The following MRPL3 variants were observed in gnomAD, a reference collection of about 807,000 sequenced individuals.
The protein encoded by MRPL3 is large ribosomal subunit protein uL3m.
Under a neutral mutation model 44.3 loss-of-function variants are expected in MRPL3, and 43 were observed. That is an observed-to-expected ratio of 0.97 (90% CI 0.76 to 1.25). MRPL3 has a LOEUF of 1.25. MRPL3 is among the 50% of genes most tolerant of loss of function. The pLI is 0.00. For missense variants in MRPL3, 406 were observed against 427.6 expected (o/e 0.95, Z 0.45); for synonymous variants, 171 against 152.3 (o/e 1.12, Z -0.91).
chr3:131,499,588 C>T (rs1371388628), intron 3 of MRPL3, among the ~76,000 whole-genome samples: 4 of 152,112 alleles, frequency 2.6e-5, no homozygotes, highest in Non-Finnish European at 5.9e-5. Context: ...CTCTTTGAGC[C>T]TTATTAGCAC....
At chr3:131,491,378 C>T (rs1359561193) in intron 4 of MRPL3, among the ~76,000 whole-genome samples, 1 of 152,196 alleles carries the variant, frequency 6.6e-6, no homozygotes, top group South Asian at 2.1e-4. Context: ...ACTACTCTCT[C>T]GGTTCTCATA....
chr3:131,465,039 C>T (rs1933570862), intron 9 of MRPL3, among the ~76,000 whole-genome samples: 1 of 152,210 alleles, frequency 6.6e-6, no homozygotes, highest in Non-Finnish European at 1.5e-5. Flanking sequence ...TTAATTAATG[C>T]CTGGGCAGAT....
At chr3:131,465,345 A>C (rs1049816872) in intron 9 of MRPL3, among the ~76,000 whole-genome samples, 1 of 152,196 alleles carries the variant, frequency 6.6e-6, no homozygotes, top group Non-Finnish European at 1.5e-5. Context: ...TCTGAGTAAT[A>C]AATGTTACTG....
intron 6 of MRPL3, among the ~76,000 whole-genome samples, chr3:131,472,186 G>GA (rs919899794): frequency 2.0e-5 from 3 of 152,126 alleles, no homozygotes; most frequent in African/African-American, 7.2e-5. Context: ...GGACTAAATA[G>GA]AAAAAAATAA....
At chr3:131,495,918 G>T (rs1181369259) in intron 4 of MRPL3, among the ~76,000 whole-genome samples, 3 of 152,132 alleles carry the variant, frequency 2.0e-5, no homozygotes, top group African/African-American at 7.2e-5. Context: ...TAAGAAAATA[G>T]ATGTTCAAAA....
chr3:131,466,018 C>T (rs777837667), intron 9 of MRPL3, among the ~76,000 whole-genome samples: 2 of 151,630 alleles, frequency 1.3e-5, no homozygotes, highest in Non-Finnish European at 2.9e-5. Context: ...CCTCCCACTT[C>T]AGCCTCCTGA....
chr3:131,473,097 T>C (rs1170531007), intron 6 of MRPL3, among the ~76,000 whole-genome samples: 1 of 152,120 alleles, frequency 6.6e-6, no homozygotes, highest in African/African-American at 2.4e-5. Context: ...AGACACTGAA[T>C]AGCCAAAGCA....
intron 4 of MRPL3, among the ~76,000 whole-genome samples, chr3:131,490,644 T>C (rs554817771): frequency 4.6e-5 from 7 of 152,318 alleles, no homozygotes; most frequent in African/African-American, 1.4e-4. Flanking sequence ...TCCCTTTGAG[T>C]TGATCAAATA....
intron 4 of MRPL3, among the ~76,000 whole-genome samples, chr3:131,491,426 A>G (rs1934254223): frequency 6.6e-6 from 1 of 152,074 alleles, no homozygotes; most frequent in African/African-American, 2.4e-5. Flanking sequence ...TCAATTCCAA[A>G]TTCTACTTTG....
intron 6 of MRPL3, among the ~76,000 whole-genome samples, chr3:131,477,586 T>C (rs1013571396): frequency 5.3e-5 from 8 of 152,210 alleles, no homozygotes; most frequent in Non-Finnish European, 1.2e-4. Flanking sequence ...CATCCAGTGT[T>C]GAACAATAAT....
intron 6 of MRPL3, among the ~76,000 whole-genome samples, chr3:131,472,374 T>G (rs575597725): frequency 6.6e-6 from 1 of 152,162 alleles, no homozygotes; most frequent in African/African-American, 2.4e-5. Flanking sequence ...ATGATCCAGG[T>G]AGAAAGCAAA....
At position 131,482,679 on chromosome 3, in the gene MRPL3, A is replaced by G. The variant is rs17277402; in HGVS notation, c.629+5001T>C. ...TTTTAATCAGCCCAGACTTCTAGAC[A>G]TGATTTTTAAATTATCCTTCTTTCA... On this transcript the variant is annotated intron_variant, in intron 6 of 9. Coordinates refer to ENST00000264995, the MANE Select transcript of MRPL3 (RefSeq NM_007208.4). Among the ~76,000 whole-genome samples, 942 of 152,214 alleles carry G rather than the reference A, an allele frequency of 6.2e-3. 3 individuals are homozygous for G. Among genetic ancestry groups the G allele is most frequent in the Admixed American group, 0.015 (230 of 15,286 alleles).
In MRPL3 at chr3:131,468,049, CAAAAAA is replaced by C. The variant is rs56928817; in HGVS notation, c.894+36_894+41del. 1.2e-4 allele frequency: 105 copies of C among 860,866 alleles called. 1 individual carries two copies. In the East Asian group the frequency reaches 1.5e-3, roughly 12 times the overall value. The allele number at this position is 860,866 out of a possible 1,614,324, so 53.3% of individuals were successfully genotyped here. A position where few individuals can be genotyped will look rare whatever the true frequency, so the allele number is the denominator to read the frequency against. ...AATTTGTTAGCTTGCGAGTAAGAAA[CAAAAAA>C]AAAAAAGGAAAAAAAAAGAAGACAC... is the stretch of plus-strand genomic sequence containing the variant. On this transcript the variant is annotated intron_variant, in intron 9 of 9. Coordinates refer to ENST00000264995, the MANE Select transcript of MRPL3 (RefSeq NM_007208.4).
intron 4 of MRPL3, among the ~76,000 whole-genome samples, chr3:131,494,325 T>G (rs1934322071): frequency 6.6e-6 from 1 of 152,232 alleles, no homozygotes; most frequent in Non-Finnish European, 1.5e-5. Context: ...TCAAGTCCCC[T>G]GCTTTTCATC....
At chr3:131,481,846 T>C (rs1271831577) in intron 6 of MRPL3, among the ~76,000 whole-genome samples, 43 of 152,206 alleles carry the variant, frequency 2.8e-4, no homozygotes, top group Non-Finnish European at 5.9e-5. Flanking sequence ...TACATAAAGT[T>C]ACTTGTTAAA....
chr3:131,487,053 C>T (rs1300033228), intron 6 of MRPL3: 2 of 152,134 alleles, frequency 1.3e-5, no homozygotes, highest in Admixed American at 6.5e-5. Flanking sequence ...GGAACCAACC[C>T]GAATGTCCAT....
intron 6 of MRPL3, among the ~76,000 whole-genome samples, chr3:131,473,632 C>T (rs1186458758): frequency 6.6e-6 from 1 of 151,896 alleles, no homozygotes; most frequent in Non-Finnish European, 1.5e-5. Context: ...CTGCAAACTA[C>T]ATCTGACAAG....
intron 7 of MRPL3, among the ~76,000 whole-genome samples, chr3:131,470,544 A>G (rs1003090985): frequency 2.6e-5 from 4 of 152,114 alleles, no homozygotes; most frequent in South Asian, 2.1e-4. Context: ...ATTACAGACT[A>G]AGTATCACTC....
At chr3:131,490,400 T>C (rs1582715929) in intron 4 of MRPL3, among the ~76,000 whole-genome samples, 2 of 150,584 alleles carry the variant, frequency 1.3e-5, no homozygotes, top group East Asian at 3.9e-4. Context: ...GGAGACTGTC[T>C]GAATTAAGAA....
Sources: allele counts gnomAD v4.1 joint callset (sites outside exome capture counted in the v4.1 genomes callset), GRCh38; gene constraint gnomAD v4.1.1; transcripts MANE v1.5; gene names NCBI Gene and HGNC (gene_info 2026-07-23, HGNC 2026-07-21).